The following DOK7 variants were observed in gnomAD, a reference collection of about 807,000 sequenced individuals.
DOK7 encodes docking protein 7, also known as protein Dok-7.
DOK7 carries 32 observed loss-of-function variants against 30.7 expected under a neutral mutation model. The observed-to-expected ratio is 1.04, with a 90% confidence interval of 0.79 to 1.40. The LOEUF (loss-of-function observed/expected upper bound fraction) is 1.40, where lower values mean the gene tolerates loss of function less well. Ranked by LOEUF, DOK7 falls within the 40% of genes most tolerant of loss-of-function variation. The pLI is 0.00. For synonymous variants in DOK7, 447 were observed against 324.1 expected (o/e 1.38, Z -4.07); for missense variants, 1,007 against 699.2 (o/e 1.44, Z -4.97).
chr4:3,501,028 G>A, exon 8 of DOK7: 2 of 795,096 alleles, frequency 2.5e-6, no homozygotes, highest in Non-Finnish European at 3.8e-6. Context: ...CAGGTGTCCG[G>A]GGCTGACCCT....
intron 2 of DOK7, among the ~76,000 whole-genome samples, chr4:3,466,113 T>C (rs1726247336): frequency 6.6e-6 from 1 of 151,184 alleles, no homozygotes; most frequent in Non-Finnish European, 1.5e-5. Context: ...GTCACCATGG[T>C]GGGGGGAAGC....
chr4:3,473,438 T>C lies in DOK7; in HGVS notation c.133T>C (p.Ser45Pro), dbSNP rs1235185652. The C allele has an allele frequency of 1.2e-6, 2 of 1,610,866 alleles. No individual in the cohort carries two copies. Among genetic ancestry groups the C allele is most frequent in the Admixed American group, 1.7e-5 (1 of 59,998 alleles). Reference protein sequence around the residue: ...CLLMLVYKDKSERIKGLRERS... With the variant: ...CLLMLVYKDKPERIKGLRERS... ...GCTGATGCTGGTCTACAAGGACAAG[T>C]CGGAGCGTATCAAGGGCCTGCGGGA... The change falls in exon 3 of 7, where the codon TCG (serine) becomes CCG (proline). Residue 45 changes from serine to proline, a missense_variant. Ser to Pro is a moderately conservative substitution (Grantham distance 74). Transcript: ENST00000340083.
In DOK7 at chr4:3,493,788, AG is replaced by A; in HGVS notation, c.*289del. The A allele has an allele frequency of 7.3e-7, 1 of 1,364,086 alleles. No homozygotes were observed. The highest frequency in any genetic ancestry group is 9.4e-7 in the Non-Finnish European group (1 of 1,059,368). The allele number at this position is 1,364,086 out of a possible 1,614,324, so 84.5% of individuals were successfully genotyped here. On this transcript the variant is annotated 3_prime_UTR_variant, in exon 7 of 7. Transcript: ENST00000340083. ...TCCGTGTCCCCCACCCCTGAGGATC[AG>A]GTGAGTGCTGCACCTCTGTTGGCTC...
In DOK7 at chr4:3,489,559, C is replaced by T. The variant is rs1728036175; in HGVS notation, c.653-118C>T. 4 of 1,505,988 alleles carry T rather than the reference C, an allele frequency of 2.7e-6. No individual in the cohort carries two copies. The African/African-American group carries it at 5.5e-5, about 21-fold the overall frequency. 93.3% of individuals were successfully genotyped at this position (1,505,988 alleles called of 1,614,324 possible). On this transcript the variant is annotated intron_variant, in intron 5 of 6. Transcript: ENST00000340083. ...GAGGCATCGGGAGGAGCGGGGACTC[C>T]CAGGGGACTGCCACTCCACAGAGGG...
chr4:3,481,097 G>C (rs1261401374), intron 4 of DOK7, among the ~76,000 whole-genome samples: 1 of 152,094 alleles, frequency 6.6e-6, no homozygotes, highest in African/African-American at 2.4e-5. Flanking sequence ...TGTTGGGGGG[G>C]ATAGGAGGCG....
In DOK7 at chr4:3,489,692, G is replaced by A. The variant is rs146895834; in HGVS notation, c.668G>A (p.Gly223Glu). 3.9e-5 allele frequency: 61 copies of A among 1,565,078 alleles called. No homozygotes were observed. In the African/African-American group the frequency reaches 5.6e-4, roughly 14 times the overall value. Reference sequence around the variant, plus strand: ...TCTGCCACAGACCCAAGTCCCCCGGGACCCTCGACTGTGGAGGAGCGTGTG... The same window carrying A: ...TCTGCCACAGACCCAAGTCCCCCGGAACCCTCGACTGTGGAGGAGCGTGTG... Reference protein sequence around the residue: ...RPVLPDPSPPGPSTVEERVAQ... With the variant: ...RPVLPDPSPPEPSTVEERVAQ... Residue 223 changes from glycine to glutamate, a missense_variant, in exon 6 of 7, where the codon GGA (glycine) becomes GAA (glutamate). Transcript: ENST00000340083.
intron 4 of DOK7, among the ~76,000 whole-genome samples, chr4:3,476,850 T>C (rs563541207): frequency 1.2e-4 from 19 of 152,240 alleles, no homozygotes; most frequent in African/African-American, 4.6e-4. Flanking sequence ...CCAGATTTCA[T>C]GGAAAGGAAA....
At chr4:3,498,753 T>A (rs1192289671), downstream of DOK7, among the ~76,000 whole-genome samples, 4 of 152,222 alleles carry the variant, frequency 2.6e-5, no homozygotes, top group Non-Finnish European at 5.9e-5. Context: ...GTTCTGTGGC[T>A]CATCTCGATG....
downstream of DOK7, chr4:3,496,996 G>C (rs1370127587): frequency 9.4e-6 from 9 of 952,406 alleles, no homozygotes; most frequent in Admixed American, 1.7e-4. Flanking sequence ...AGGGAATGTG[G>C]GCAATGTGGT....
chr4:3,470,707 C>A (rs1726707908), intron 2 of DOK7, among the ~76,000 whole-genome samples: 2 of 152,238 alleles, frequency 1.3e-5, no homozygotes, highest in Admixed American at 6.5e-5. Flanking sequence ...TATTGGCTCG[C>A]AGCCATTCCC....
rs751333072 is a variant in DOK7, at chr4:3,463,440, G to A, written c.54+11G>A. Reference sequence around the variant, plus strand: ...CGGGACGGCAAGAAGGTCGGGGCGCGTCGGGGGCGCGGGGGGGGGGGGCGC... The same window carrying A: ...CGGGACGGCAAGAAGGTCGGGGCGCATCGGGGGCGCGGGGGGGGGGGGCGC... On this transcript the variant is annotated intron_variant, in intron 1 of 6. Transcript: ENST00000340083. 3 of 1,417,236 alleles carry A rather than the reference G, an allele frequency of 2.1e-6. No individual in the cohort carries two copies. Among genetic ancestry groups the A allele is most frequent in the African/African-American group, 1.6e-5 (1 of 61,540 alleles). The allele number at this position is 1,417,236 out of a possible 1,614,324, so 87.8% of individuals were successfully genotyped here.
chr4:3,490,506 CTCAT>C (rs1405534871), intron 6 of DOK7, among the ~76,000 whole-genome samples: 2 of 125,224 alleles, frequency 1.6e-5, no homozygotes, highest in Non-Finnish European at 3.3e-5. Context: ...TTTCCCCCTG[CTCAT>C]TCTTTCCTTC....
chr4:3,489,625 G>T, intron 5 of DOK7, 52 bp from the exon 6 acceptor site: 1 of 1,555,156 alleles, frequency 6.4e-7, no homozygotes, highest in Non-Finnish European at 8.7e-7. Flanking sequence ...GCCTGCGGGC[G>T]AGGGTGGGCG....
Position 3,473,123 on chromosome 4 carries a change from C to T in DOK7, c.101-283C>T, listed in dbSNP as rs551700406. On this transcript the variant is annotated intron_variant, in intron 2 of 6. Coordinates refer to ENST00000340083, the MANE Select transcript of DOK7 (RefSeq NM_173660.5). Reference sequence around the variant, plus strand: ...TCCAGGGCCTGGGACAGGGCAAATCCGCCAGTGAAGGTCCAGAACCCAGTC... The same window carrying T: ...TCCAGGGCCTGGGACAGGGCAAATCTGCCAGTGAAGGTCCAGAACCCAGTC... Among the ~76,000 whole-genome samples the T allele has an allele frequency of 1.1e-4, 17 of 152,348 alleles. No homozygotes were observed. In the East Asian group the frequency reaches 1.9e-3, roughly 17 times the overall value.
intron 2 of DOK7, among the ~76,000 whole-genome samples, chr4:3,466,600 CATCAAG>C (rs2109318312): frequency 1.3e-5 from 2 of 152,332 alleles, no homozygotes; most frequent in South Asian, 4.1e-4. Flanking sequence ...CCCATAGAAA[CATCAAG>C]AACAGGGCGA....
chr4:3,470,215 C>T (rs1401482014), intron 2 of DOK7, among the ~76,000 whole-genome samples: 1 of 152,240 alleles, frequency 6.6e-6, no homozygotes, highest in African/African-American at 2.4e-5. Flanking sequence ...GTGACCTTCC[C>T]TGTGTCTGCG....
intron 3 of DOK7, among the ~76,000 whole-genome samples, chr4:3,475,205 C>T (rs1002661731): frequency 2.6e-5 from 4 of 152,202 alleles, no homozygotes; most frequent in South Asian, 4.1e-4. Context: ...AAAGTTCTCC[C>T]GTTGGGGGTT....
At chr4:3,470,916 C>T (rs985316017) in intron 2 of DOK7, among the ~76,000 whole-genome samples, 27 of 152,290 alleles carry the variant, frequency 1.8e-4, no homozygotes, top group African/African-American at 5.3e-4. Context: ...TATCAGGTGC[C>T]GGAGCTGTCT....
chr4:3,493,673 G>C lies in DOK7; in HGVS notation c.*172G>C. 6.9e-7 allele frequency: 1 copy of C among 1,450,862 alleles called. No individual in the cohort carries two copies. Among genetic ancestry groups the C allele is most frequent in the Non-Finnish European group, 9.1e-7 (1 of 1,102,176 alleles). The allele number at this position is 1,450,862 out of a possible 1,614,324, so 89.9% of individuals were successfully genotyped here. On this transcript the variant is annotated 3_prime_UTR_variant, in exon 7 of 7. Transcript: ENST00000340083. ...GCCCTGTGGCTGCCACCGGAGGAAG[G>C]GGCTGACTTGGGGAGGTGAGTTCTG...
Sources: gnomAD v4.1 joint callset for allele counts (sites outside exome capture counted in the v4.1 genomes callset) on GRCh38, gnomAD v4.1.1 for gene constraint, MANE v1.5 for transcripts, NCBI Gene and HGNC (gene_info 2026-07-23, HGNC 2026-07-21) for gene names.